RP2: variants seen among roughly 807,000 people sequenced by gnomAD.
RP2 encodes the protein RP2 activator of ARL3 GTPase.
In RP2, 3 loss-of-function variants were observed where a neutral mutation model predicts 20.3. The ratio of observed to expected loss-of-function variants is 0.15; its 90% confidence interval spans 0.07 to 0.38. The LOEUF is 0.38. Ranked by LOEUF, RP2 falls within the 10% of genes least tolerant of loss-of-function variation. The pLI, the probability that RP2 is intolerant of heterozygous loss-of-function variation, is 1.00. For missense variants in RP2, 233 were observed against 268.5 expected (o/e 0.87, Z 0.92); for synonymous variants, 75 against 94.8 (o/e 0.79, Z 1.22).
At chrX:46,859,021 G>A (rs1033882701) in intron 2 of RP2, among the ~76,000 whole-genome samples, 1 of 110,898 alleles carries the variant, frequency 9.0e-6, no homozygotes, top group Non-Finnish European at 1.9e-5. Context: ...ATCACTGTGC[G>A]CCTTAGTTTT....
rs781936550 is a variant in RP2, at chrX:46,853,671, G to C, written c.298G>C (p.Val100Leu). ...IIFLGPVKGSVFFRNCRDCKC... is the reference protein window; with the variant it reads ...IIFLGPVKGSLFFRNCRDCKC... ...TTTTCTGGGACCCGTGAAAGGCAGC[G>C]TGTTTTTCCGGAATTGCAGAGATTG... The change falls in exon 2 of 5, where the codon GTG becomes CTG. Residue 100 changes from valine to leucine, a missense_variant. Val to Leu is a conservative substitution (Grantham distance 32). This residue lies in a region of RP2 where 38 missense variants were observed against 72.9 expected (regional missense o/e 0.52). Transcript: ENST00000218340. 1 of 1,210,124 alleles carries C rather than the reference G, an allele frequency of 8.3e-7. No homozygotes were observed. Among genetic ancestry groups the C allele is most frequent in the Non-Finnish European group, 1.1e-6 (1 of 895,267 alleles).
At chrX:46,862,126 C>A (rs1230336808) in intron 3 of RP2, among the ~76,000 whole-genome samples, 2 of 111,974 alleles carry the variant, frequency 1.8e-5, no homozygotes, top group Non-Finnish European at 3.8e-5. Flanking sequence ...GTAATCCCAA[C>A]ACTTTGGGAG....
At chrX:46,863,378 C>T (rs1408328857) in intron 3 of RP2, among the ~76,000 whole-genome samples, 4 of 112,046 alleles carry the variant, frequency 3.6e-5, no homozygotes, top group African/African-American at 1.3e-4. Context: ...AGGGCAAATG[C>T]ATATTTATGC....
intron 1 of RP2, among the ~76,000 whole-genome samples, chrX:46,846,817 G>A (rs1924722488): frequency 9.1e-6 from 1 of 110,481 alleles, no homozygotes; most frequent in African/African-American, 3.3e-5. Flanking sequence ...TGGACTGCCT[G>A]GGCTCCAGCA....
rs190087069 is a variant in RP2 at position 46,867,537 on chromosome X, A to C, written c.883+7435A>C. On this transcript the variant is annotated intron_variant, in intron 3 of 4. Transcript: ENST00000218340. ...AAGCCAGTATAAACATTTGTGTGTAAGTTTTTTTATTAAGGTAAAATATAC... is the reference window on the plus strand; with the variant it reads ...AAGCCAGTATAAACATTTGTGTGTACGTTTTTTTATTAAGGTAAAATATAC... Among the ~76,000 whole-genome samples the C allele has an allele frequency of 9.8e-5, 11 of 112,175 alleles. No individual in the cohort carries two copies. In the East Asian group the frequency reaches 3.1e-3, roughly 31 times the overall value.
At chrX:46,859,488 CA>C (rs782748761) in intron 2 of RP2, among the ~76,000 whole-genome samples, 2,427 of 66,819 alleles carry the variant, frequency 0.036, 50 homozygotes, top group African/African-American at 0.11. Flanking sequence ...CACCCTATCT[CA>C]AAAAAAAAAA....
At chrX:46,846,035 G>C (rs1387490666) in intron 1 of RP2, among the ~76,000 whole-genome samples, 1 of 111,664 alleles carries the variant, frequency 9.0e-6, no homozygotes. Context: ...CAAAGTGCTG[G>C]AATTACAGGC....
intron 1 of RP2, among the ~76,000 whole-genome samples, chrX:46,840,682 C>G (rs1437880898): frequency 8.9e-6 from 1 of 112,048 alleles, no homozygotes; most frequent in Non-Finnish European, 1.9e-5. Flanking sequence ...AAAGAGTTTA[C>G]TGGCTTTCTG....
At chrX:46,850,112 C>T (rs1160594222) in intron 1 of RP2, among the ~76,000 whole-genome samples, 1 of 112,026 alleles carries the variant, frequency 8.9e-6, no homozygotes, top group Admixed American at 9.5e-5. Flanking sequence ...TCTCACAGCT[C>T]TAGAGCCTGG....
chrX:46,843,700 AATTCT>A lies in RP2; in HGVS notation c.102+6502_102+6506del, dbSNP rs782707385. On this transcript the variant is annotated intron_variant, in intron 1 of 4. Coordinates refer to ENST00000218340, the MANE Select transcript of RP2 (RefSeq NM_006915.3). Reference sequence around the variant, plus strand: ...AATCTTTTCAATCCTAAAATTTCATAATTCTATTTTGTTGTTATATATTTCACAAA... The same window carrying A: ...AATCTTTTCAATCCTAAAATTTCATAATTTTGTTGTTATATATTTCACAAA... 2.0e-3 allele frequency among the ~76,000 whole-genome samples: 225 copies of A among 112,071 alleles called. 1 individual carries two copies. Among genetic ancestry groups the A allele is most frequent in the Middle Eastern group, 4.6e-3 (1 of 219 alleles).
intron 1 of RP2, among the ~76,000 whole-genome samples, chrX:46,845,880 A>G (rs1264316425): frequency 1.8e-5 from 2 of 110,156 alleles, no homozygotes; most frequent in African/African-American, 6.6e-5. Context: ...CTCCCATCTC[A>G]GCCTCCCAAG....
At chrX:46,846,149 T>A (rs1257194895) in intron 1 of RP2, among the ~76,000 whole-genome samples, 2 of 111,915 alleles carry the variant, frequency 1.8e-5, no homozygotes, top group Non-Finnish European at 3.8e-5. Context: ...TTAAAGGACA[T>A]TTGGGTTGTT....
chrX:46,862,795 G>T (rs1925101144), intron 3 of RP2, among the ~76,000 whole-genome samples: 1 of 112,408 alleles, frequency 8.9e-6, no homozygotes, highest in African/African-American at 3.2e-5. Context: ...CATCATTGAT[G>T]GACAGCCTAA....
At position 46,869,454 on chromosome X, in the gene RP2, C is replaced by T. The variant is rs1368201668; in HGVS notation, c.884-8051C>T. ...AGCTGGGATTACAGGCACGCCACCA[C>T]GCCCGGCTAATTTTGTATTTTTAAT... is the stretch of plus-strand genomic sequence containing the variant. On this transcript the variant is annotated intron_variant, in intron 3 of 4. Coordinates refer to ENST00000218340, the MANE Select transcript of RP2 (RefSeq NM_006915.3). 2.9e-5 allele frequency among the ~76,000 whole-genome samples: 3 copies of T among 104,741 alleles called. No homozygotes were observed. The Admixed American group carries it at 3.1e-4, about 11-fold the overall frequency. The allele number at this position is 104,741 out of a possible 115,157, so 91.0% of individuals were successfully genotyped here.
chrX:46,837,400 TGGAGC>T (rs1556313646), intron 1 of RP2, among the ~76,000 whole-genome samples, 198 bp downstream of exon 1: 3 of 111,461 alleles, frequency 2.7e-5, no homozygotes, highest in Non-Finnish European at 5.7e-5. Flanking sequence ...CAGAGGGCTG[TGGAGC>T]TCCGGAAGGA....
chrX:46,839,558 A>T (rs782750417), intron 1 of RP2, among the ~76,000 whole-genome samples: 2 of 110,865 alleles, frequency 1.8e-5, no homozygotes, highest in African/African-American at 6.5e-5. Context: ...TTTCCAAAAA[A>T]AAAAAATAAA....
At position 46,853,571 on chromosome X, in the gene RP2, C is replaced by T; in HGVS notation, c.198C>T (p.Asp66=). The change falls in exon 2 of 5, where the codon GAC becomes GAT. Residue 66 remains aspartate (D), a synonymous_variant. Coordinates refer to ENST00000218340, the MANE Select transcript of RP2 (RefSeq NM_006915.3). ...TVAGQQFLIQ[D]CENCNIYIFD... ...CAGGACAACAGTTTCTCATTCAAGA[C>T]TGTGAGAACTGTAACATCTATATTT... The T allele has an allele frequency of 9.1e-6, 11 of 1,209,947 alleles. No homozygotes were observed. Among genetic ancestry groups the T allele is most frequent in the Non-Finnish European group, 1.2e-5 (11 of 894,000 alleles).
At chrX:46,877,380 T>C in intron 3 of RP2, 125 bp from the exon 4 acceptor site, 1 of 529,915 alleles carries the variant, frequency 1.9e-6, no homozygotes, top group Non-Finnish European at 3.3e-6. Context: ...ATCTGTCTGC[T>C]TTCCTCTTCC....
At chrX:46,878,188 A>G (rs909714486) in intron 4 of RP2, among the ~76,000 whole-genome samples, 105 of 109,260 alleles carry the variant, frequency 9.6e-4, no homozygotes, top group Non-Finnish European at 1.7e-3. Context: ...TCCCGGCTAA[A>G]ACGGTGAAAC....
Sources: gnomAD v4.1 joint callset for allele counts (sites outside exome capture counted in the v4.1 genomes callset) on GRCh38, gnomAD v4.1.1 for gene constraint, gnomAD v4.1.1 regional missense constraint, MANE v1.5 for transcripts, NCBI Gene and HGNC (gene_info 2026-07-23, HGNC 2026-07-21) for gene names.